BTBD9: variants seen among roughly 807,000 people sequenced by gnomAD.
The protein encoded by BTBD9 is BTB/POZ domain-containing protein 9.
A neutral mutation model predicts 64.3 loss-of-function variants in BTBD9; 49 were observed. That is an observed-to-expected ratio of 0.76 (90% CI 0.61 to 0.97). The LOEUF (loss-of-function observed/expected upper bound fraction) is 0.97. BTBD9 is among the 50% of genes least tolerant of loss of function. The probability of loss-of-function intolerance (pLI) is 0.00; values close to 1 mark genes in which losing one functional copy is unlikely to be tolerated. For missense variants in BTBD9, 598 were observed against 762.1 expected (o/e 0.78, Z 2.53); for synonymous variants, 260 against 274.7 (o/e 0.95, Z 0.53).
intron 1 of BTBD9, among the ~76,000 whole-genome samples, chr6:38,634,330 T>G (rs1272818772): frequency 6.6e-6 from 1 of 152,216 alleles, no homozygotes; most frequent in African/African-American, 2.4e-5. Context: ...CAAAGAATAT[T>G]GGCAAGCAAA....
In BTBD9 at chr6:38,328,571, G is replaced by GTGTGTGTGTGTC. The variant is rs1335275622; in HGVS notation, c.1264+16412_1264+16413insGACACACACACA. On this transcript the variant is annotated intron_variant, in intron 7 of 10. Coordinates refer to ENST00000481247, the MANE Select transcript of BTBD9 (RefSeq NM_001099272.2). ...TTCGGCCATTTAAGCCACCGTGTGT[G>GTGTGTGTGTGTC]TGTGTGTGTGTGTGTGTGTGTGTGT... Among the ~76,000 whole-genome samples, 39 of 87,254 alleles carry GTGTGTGTGTGTC rather than the reference G, an allele frequency of 4.5e-4. 1 individual carries two copies. Among genetic ancestry groups the GTGTGTGTGTGTC allele is most frequent in the Admixed American group, 1.4e-3 (13 of 9,252 alleles). 57.2% of individuals were successfully genotyped at this position (87,254 alleles called of 152,430 possible).
chr6:38,634,215 T>C (rs760099725), intron 1 of BTBD9, among the ~76,000 whole-genome samples: 6 of 152,244 alleles, frequency 3.9e-5, no homozygotes, highest in Non-Finnish European at 5.9e-5. Context: ...GCACAGCTAC[T>C]GTTTTATTTC....
intron 9 of BTBD9, among the ~76,000 whole-genome samples, chr6:38,247,607 T>C (rs927796872): frequency 1.3e-5 from 2 of 152,218 alleles, no homozygotes; most frequent in Non-Finnish European, 2.9e-5. Flanking sequence ...GCCAGGGCCC[T>C]TGGAGAGGGC....
chr6:38,372,866 C>G (rs1765480422), intron 6 of BTBD9, among the ~76,000 whole-genome samples: 1 of 152,202 alleles, frequency 6.6e-6, no homozygotes, highest in Non-Finnish European at 1.5e-5. Context: ...TAGCAAAGGT[C>G]TGTCAAATTC....
intron 6 of BTBD9, among the ~76,000 whole-genome samples, chr6:38,566,403 G>A (rs1775518109): frequency 6.6e-6 from 1 of 152,176 alleles, no homozygotes; most frequent in Admixed American, 6.5e-5. Flanking sequence ...AATATCCTGA[G>A]TTGAAATATT....
intron 6 of BTBD9, among the ~76,000 whole-genome samples, chr6:38,368,474 A>G (rs898308375): frequency 1.3e-5 from 2 of 152,032 alleles, no homozygotes; most frequent in Non-Finnish European, 2.9e-5. Context: ...AGCTGGGATT[A>G]TAGGTGCCTG....
At chr6:38,420,058 T>G (rs924785851) in intron 6 of BTBD9, among the ~76,000 whole-genome samples, 1 of 152,138 alleles carries the variant, frequency 6.6e-6, no homozygotes, top group African/African-American at 2.4e-5. Flanking sequence ...AAAAAAACAC[T>G]GACATCTCAT....
At chr6:38,259,464 G>A (rs1307560326) in intron 8 of BTBD9, among the ~76,000 whole-genome samples, 1 of 152,136 alleles carries the variant, frequency 6.6e-6, no homozygotes, top group Admixed American at 6.5e-5. Flanking sequence ...GTGCAGTGGT[G>A]CAATCATAGC....
intron 7 of BTBD9, among the ~76,000 whole-genome samples, chr6:38,336,523 G>T (rs967930175): frequency 1.3e-5 from 2 of 152,020 alleles, no homozygotes; most frequent in Non-Finnish European, 2.9e-5. Context: ...AAAACCATTA[G>T]CTCTTGTGAG....
chr6:38,411,447 G>A (rs1767421190), intron 6 of BTBD9, among the ~76,000 whole-genome samples: 1 of 152,068 alleles, frequency 6.6e-6, no homozygotes, highest in South Asian at 2.1e-4. Context: ...CGCAAATCAG[G>A]GATGGGCTTT....
At chr6:38,275,407 C>A (rs2127546877) in intron 8 of BTBD9, among the ~76,000 whole-genome samples, 1 of 152,112 alleles carries the variant, frequency 6.6e-6, no homozygotes, top group South Asian at 2.1e-4. Context: ...AGAAGAAAAC[C>A]TAGGCAATAC....
chr6:38,198,442 T>C (rs79046604), intron 9 of BTBD9, among the ~76,000 whole-genome samples: 7,960 of 152,206 alleles, frequency 0.052, 659 homozygotes, highest in African/African-American at 0.18. Flanking sequence ...ATAAGGACAC[T>C]GCACAGGCCC....
chr6:38,371,810 CA>C (rs1244531998), intron 6 of BTBD9, among the ~76,000 whole-genome samples: 1 of 152,134 alleles, frequency 6.6e-6, no homozygotes, highest in African/African-American at 2.4e-5. Context: ...TTAATGTCCC[CA>C]AACCATTTAT....
intron 6 of BTBD9, among the ~76,000 whole-genome samples, chr6:38,352,488 G>A: frequency 6.6e-6 from 1 of 152,148 alleles, no homozygotes; most frequent in Non-Finnish European, 1.5e-5. Context: ...ATACAGTTTG[G>A]AAAGCAAGAT....
chr6:38,254,509 C>T (rs1350402466), intron 9 of BTBD9, among the ~76,000 whole-genome samples: 1 of 151,950 alleles, frequency 6.6e-6, no homozygotes, highest in Admixed American at 6.6e-5. Context: ...CAGTGGCATG[C>T]AGCTATAGTC....
intron 6 of BTBD9, among the ~76,000 whole-genome samples, chr6:38,368,201 T>C (rs1054141351): frequency 1.1e-4 from 17 of 152,210 alleles, no homozygotes; most frequent in Non-Finnish European, 2.2e-4. Context: ...GTATATCTGC[T>C]TATGTACCAC....
intron 6 of BTBD9, among the ~76,000 whole-genome samples, chr6:38,538,766 T>C (rs1774135009): frequency 6.8e-6 from 1 of 146,492 alleles, no homozygotes; most frequent in Non-Finnish European, 1.5e-5. Context: ...TGCCACCATA[T>C]CTAGCTTTTT....
At chr6:38,459,702 TA>T (rs1008047413) in intron 6 of BTBD9, among the ~76,000 whole-genome samples, 2 of 152,192 alleles carry the variant, frequency 1.3e-5, no homozygotes, top group African/African-American at 4.8e-5. Flanking sequence ...GTTATTACAA[TA>T]CAGCTTAGCC....
intron 8 of BTBD9, among the ~76,000 whole-genome samples, chr6:38,266,107 A>G (rs1230091529): frequency 2.0e-5 from 3 of 152,240 alleles, no homozygotes; most frequent in Non-Finnish European, 4.4e-5. Flanking sequence ...CCTGCTTTCA[A>G]CGCAAATCTA....
Sources: gnomAD v4.1 joint callset for allele counts (sites outside exome capture counted in the v4.1 genomes callset) on GRCh38, gnomAD v4.1.1 for gene constraint, MANE v1.5 for transcripts, NCBI Gene and HGNC (gene_info 2026-07-23, HGNC 2026-07-21) for gene names.